ZFHX3: variants seen among roughly 807,000 people sequenced by gnomAD.
The protein encoded by ZFHX3 is zinc finger homeobox 3, also known as zinc finger homeobox protein 3.
Under a neutral mutation model 279.1 loss-of-function variants are expected in ZFHX3, and 42 were observed. That is an observed-to-expected ratio of 0.15 (90% CI 0.12 to 0.19). The LOEUF is 0.19. ZFHX3 is among the 10% of genes least tolerant of loss of function. The probability of loss-of-function intolerance (pLI) is 1.00; values close to 1 mark genes in which losing one functional copy is unlikely to be tolerated. For synonymous variants in ZFHX3, 2,293 were observed against 1,957.8 expected, an observed-to-expected ratio of 1.17 and a Z score of -4.52; for missense variants, 4,981 against 4,754.0, an observed-to-expected ratio of 1.05 and a Z score of -1.40.
chr16:73,055,677 TACGCGC>T (rs769726978), intron 1 of ZFHX3, among the ~76,000 whole-genome samples: 3,838 of 91,178 alleles, frequency 0.042, 48 homozygotes, highest in South Asian at 0.091. Context: ...GGTGCAGACG[TACGCGC>T]GCGCGCGCGC....
chr16:72,883,492 CAG>C (rs2038548251), intron 4 of ZFHX3, among the ~76,000 whole-genome samples: 1 of 152,146 alleles, frequency 6.6e-6, no homozygotes, highest in Admixed American at 6.5e-5. Context: ...CCAAAACAGC[CAG>C]AGACACCAGT....
intron 3 of ZFHX3, among the ~76,000 whole-genome samples, chr16:73,325,928 A>AACACACACACACACACACACACACACAC (rs140609871): frequency 6.9e-6 from 1 of 145,492 alleles, no homozygotes; most frequent in African/African-American, 2.5e-5. Flanking sequence ...CACACACACA[A>AACACACACACACACACACACACACACAC]ACACACACAC....
chr16:73,615,583 G>T (rs1007590888), intron 2 of ZFHX3, among the ~76,000 whole-genome samples: 5 of 152,278 alleles, frequency 3.3e-5, no homozygotes, highest in South Asian at 2.1e-4. Context: ...CAATTACAGG[G>T]TTCCTCCAAA....
chr16:72,889,083 A>G (rs982239188), intron 4 of ZFHX3, among the ~76,000 whole-genome samples: 32 of 152,016 alleles, frequency 2.1e-4, no homozygotes, highest in Non-Finnish European at 8.8e-5. Context: ...AGGTGGGGAA[A>G]AAGGTGGCTG....
chr16:73,162,647 G>C (rs1222713106), intron 5 of ZFHX3, among the ~76,000 whole-genome samples: 1 of 152,108 alleles, frequency 6.6e-6, no homozygotes, highest in Non-Finnish European at 1.5e-5. Context: ...TTGTTTTGTA[G>C]AGATGAGGTT....
intron 8 of ZFHX3, among the ~76,000 whole-genome samples, chr16:73,071,475 CT>C (rs1965826379): frequency 3.3e-5 from 5 of 150,764 alleles, no homozygotes; most frequent in Admixed American, 3.3e-4. Flanking sequence ...GCTGCTGCTG[CT>C]GCCGCCGCCG....
chr16:73,488,312 G>A (rs1170819664), intron 2 of ZFHX3, among the ~76,000 whole-genome samples: 3 of 152,138 alleles, frequency 2.0e-5, no homozygotes, highest in African/African-American at 7.2e-5. Flanking sequence ...GCAAAGGAAG[G>A]AGGGACAGCC....
intron 2 of ZFHX3, among the ~76,000 whole-genome samples, chr16:73,567,190 T>G (rs1488345775): frequency 6.6e-6 from 1 of 152,184 alleles, no homozygotes; most frequent in African/African-American, 2.4e-5. Context: ...TGGACACTAA[T>G]CTCCTAAATC....
At chr16:72,925,275 C>T (rs1397692210) in intron 3 of ZFHX3, among the ~76,000 whole-genome samples, 1 of 152,218 alleles carries the variant, frequency 6.6e-6, no homozygotes, top group Non-Finnish European at 1.5e-5. Flanking sequence ...CAATCCTTGC[C>T]CACCGTCAAT....
At chr16:73,847,396 C>T (rs1321384528) in intron 1 of ZFHX3, among the ~76,000 whole-genome samples, 1 of 152,126 alleles carries the variant, frequency 6.6e-6, no homozygotes, top group African/African-American at 2.4e-5. Context: ...TTTGGCTGGT[C>T]CCTGGAAAAT....
At chr16:72,909,877 CAA>C (rs66982395) in intron 3 of ZFHX3, among the ~76,000 whole-genome samples, 29 of 82,288 alleles carry the variant, frequency 3.5e-4, no homozygotes, top group Non-Finnish European at 4.9e-4. Flanking sequence ...CACCGTGTCT[CAA>C]AAAAAAAAAA....
At chr16:73,293,847 G>A (rs988257608) in intron 4 of ZFHX3, 3 of 152,194 alleles carry the variant, frequency 2.0e-5, no homozygotes, top group African/African-American at 4.8e-5. Flanking sequence ...TTCAGTGAGT[G>A]TTGTCCAAAG....
intron 2 of ZFHX3, among the ~76,000 whole-genome samples, chr16:73,501,985 A>G (rs1476086747): frequency 6.6e-6 from 1 of 152,076 alleles, no homozygotes; most frequent in Non-Finnish European, 1.5e-5. Flanking sequence ...CTATTTGTTT[A>G]CTTTGATAAT....
chr16:73,195,273 G>A (rs1054085289), intron 5 of ZFHX3, among the ~76,000 whole-genome samples: 2 of 151,984 alleles, frequency 1.3e-5, no homozygotes, highest in Non-Finnish European at 2.9e-5. Context: ...ATTAAGGGCT[G>A]ATAACCCACA....
intron 4 of ZFHX3, among the ~76,000 whole-genome samples, chr16:73,271,815 G>A (rs571123080): frequency 3.1e-4 from 47 of 152,220 alleles, no homozygotes; most frequent in Middle Eastern, 3.4e-3. Flanking sequence ...CTCTGACAAT[G>A]TTTTGTCTTC....
intron 3 of ZFHX3, among the ~76,000 whole-genome samples, chr16:73,425,710 A>T (rs879293858): frequency 3.9e-5 from 6 of 152,126 alleles, no homozygotes; most frequent in Admixed American, 1.3e-4. Context: ...AGGCATAATC[A>T]TCTGGCTGTG....
At chr16:73,619,547 A>G (rs191568495) in intron 2 of ZFHX3, among the ~76,000 whole-genome samples, 1 of 150,128 alleles carries the variant, frequency 6.7e-6, no homozygotes, top group African/African-American at 2.5e-5. Context: ...ATTTCTTTCA[A>G]TAGCATTGCC....
rs376709821 is a variant in ZFHX3, at chr16:73,172,931, GT to G, written c.-1103-29101del. On this transcript the variant is annotated intron_variant, in intron 5 of 17. Coordinates refer to the ZFHX3 transcript ENST00000641206. The stretch of plus-strand genomic sequence containing the variant: ...ATTTCTCATGGTGGGGCTGCCTGTG[GT>G]TTTTTTTTTTTTTTTTCTTTCTTTC... 4.7e-3 allele frequency among the ~76,000 whole-genome samples: 457 copies of G among 97,162 alleles called. 3 individuals are homozygous for G. In the East Asian group the frequency reaches 0.074, roughly 16 times the overall value. The allele number at this position is 97,162 out of a possible 152,430, so 63.7% of individuals were successfully genotyped here.
At position 73,427,705 on chromosome 16, in the gene ZFHX3, G is replaced by A. The variant is rs139377640; in HGVS notation, c.-1291+28298C>T. On this transcript the variant is annotated intron_variant, in intron 3 of 17. Transcript: ENST00000641206. ...AATCCTAGCACTTTGGGAGGCCGCC[G>A]TGGGCAGACCACGAGGTCAGGAGTT... 5.5e-3 allele frequency among the ~76,000 whole-genome samples: 839 copies of A among 152,198 alleles called. 5 individuals are homozygous for A. Among genetic ancestry groups the A allele is most frequent in the African/African-American group, 0.019 (794 of 41,516 alleles).
Sources: gnomAD v4.1 joint callset for allele counts (sites outside exome capture counted in the v4.1 genomes callset) on GRCh38, gnomAD v4.1.1 for gene constraint, MANE v1.5 for transcripts, NCBI Gene and HGNC (gene_info 2026-07-23, HGNC 2026-07-21) for gene names.